The following CCDC138 variants were observed in gnomAD, a reference collection of about 807,000 sequenced individuals.
CCDC138 encodes coiled-coil domain containing 138.
Under a neutral mutation model 82.3 loss-of-function variants are expected in CCDC138, and 66 were observed. That is an observed-to-expected ratio of 0.80 (90% CI 0.66 to 0.98). The LOEUF (loss-of-function observed/expected upper bound fraction) is 0.98, where lower values mean the gene tolerates loss of function less well. CCDC138 is among the 50% of genes least tolerant of loss of function. The pLI is 0.00. For missense variants in CCDC138, 816 were observed against 758.9 expected (o/e 1.08, Z -0.88); for synonymous variants, 297 against 265.4 (o/e 1.12, Z -1.16).
chr2:108,788,223 A>C, intron 2 of CCDC138, 134 bp downstream of exon 2: 1 of 781,790 alleles, frequency 1.3e-6, no homozygotes, highest in African/African-American at 1.8e-5. Flanking sequence ...GTTCGAGACC[A>C]CTCAGGCCAA....
At chr2:108,806,651 A>T (rs560652603) in intron 7 of CCDC138, among the ~76,000 whole-genome samples, 10 of 152,336 alleles carry the variant, frequency 6.6e-5, no homozygotes, top group African/African-American at 2.2e-4. Context: ...CTGTGTTCCA[A>T]AACGACTGTA....
At position 108,804,882 on chromosome 2, in the gene CCDC138, C is replaced by G. The variant is rs780139507; in HGVS notation, c.736-7C>G. On this transcript the variant is annotated splice_polypyrimidine_tract_variant and splice_region_variant and intron_variant, in intron 6 of 14. Transcript: ENST00000295124. ...TTTAGATGAGAGTTTTTTTTTTCTC[C>G]TCCTAGCAGCATGATGCAGAAGTTG... The G allele has an allele frequency of 6.0e-6, 9 of 1,495,168 alleles. No homozygotes were observed. In the East Asian group the frequency reaches 2.0e-4, roughly 33 times the overall value. 92.6% of individuals were successfully genotyped at this position (1,495,168 alleles called of 1,614,324 possible).
At chr2:108,823,774 G>A (rs1574079505) in intron 10 of CCDC138, among the ~76,000 whole-genome samples, 2 of 152,192 alleles carry the variant, frequency 1.3e-5, no homozygotes, top group South Asian at 4.1e-4. Flanking sequence ...GAGGTCAGGA[G>A]TTCGAGACCA....
chr2:108,822,358 A>G (rs1206553681), intron 10 of CCDC138, among the ~76,000 whole-genome samples: 4 of 152,212 alleles, frequency 2.6e-5, no homozygotes, highest in African/African-American at 9.6e-5. Context: ...CTACTAGGAA[A>G]CTTCAATACC....
intron 10 of CCDC138, among the ~76,000 whole-genome samples, chr2:108,823,251 A>G (rs1238323447): frequency 1.3e-5 from 2 of 152,218 alleles, no homozygotes; most frequent in Admixed American, 6.5e-5. Context: ...TATTCTTCGA[A>G]AAAATTGAAA....
At position 108,839,167 on chromosome 2, in the gene CCDC138, C is replaced by T; in HGVS notation, c.1207-18C>T. ...AATACTGTGCCTTTGTATTTATTTT[C>T]CATCATTTTATCTTTAGCTTTTGCC... On this transcript the variant is annotated intron_variant, in intron 10 of 14. Coordinates refer to ENST00000295124, the MANE Select transcript of CCDC138 (RefSeq NM_144978.3). 1 of 1,583,714 alleles carries T rather than the reference C, an allele frequency of 6.3e-7. No homozygotes were observed. Among genetic ancestry groups the T allele is most frequent in the Non-Finnish European group, 8.6e-7 (1 of 1,166,712 alleles).
chr2:108,800,608 CTTTTTTTTTTTTTTTTT>C (rs67529329), intron 6 of CCDC138, among the ~76,000 whole-genome samples: 5 of 33,490 alleles, frequency 1.5e-4, no homozygotes, highest in Middle Eastern at 0.071. Context: ...CTCAGTTTAG[CTTTTTTTTTTTTTTTTT>C]TTTTTTTTTT....
intron 7 of CCDC138, among the ~76,000 whole-genome samples, chr2:108,811,641 G>T (rs1441556734): frequency 1.3e-5 from 2 of 152,148 alleles, no homozygotes; most frequent in South Asian, 2.1e-4. Flanking sequence ...GATTCAGAGG[G>T]TACATGTGCA....
At chr2:108,824,258 A>G (rs1024791276) in intron 10 of CCDC138, among the ~76,000 whole-genome samples, 2 of 152,170 alleles carry the variant, frequency 1.3e-5, no homozygotes, top group African/African-American at 4.8e-5. Flanking sequence ...TTGACTCTGT[A>G]ATATTAACAC....
At chr2:108,827,369 A>C (rs1686788217) in intron 10 of CCDC138, among the ~76,000 whole-genome samples, 1 of 152,192 alleles carries the variant, frequency 6.6e-6, no homozygotes, top group Non-Finnish European at 1.5e-5. Flanking sequence ...AAATAAATAA[A>C]AGAGAAAATG....
rs774332650 is a variant in CCDC138, at chr2:108,812,890, T to G, written c.1004T>G (p.Leu335Ter). 3 of 1,613,600 alleles carry G rather than the reference T, an allele frequency of 1.9e-6. No homozygotes were observed. Among genetic ancestry groups the G allele is most frequent in the Admixed American group, 3.3e-5 (2 of 59,960 alleles). Residue 335 changes from leucine to a stop codon, truncating the protein, a stop_gained, in exon 9 of 15, where the codon TTA (leucine) becomes TGA (stop). Transcript: ENST00000295124. LOFTEE classifies it high-confidence loss of function. Reference protein sequence around the residue: ...SSHAVHEMKSLKQEKAPVSKT... With the variant: ...SSHAVHEMKS ...CATGCTGTTCATGAAATGAAAAGTT[T>G]AAAACAAGAAAAAGCACCAGTTTCA...
chr2:108,874,764 A>G (rs1695775989), intron 14 of CCDC138, among the ~76,000 whole-genome samples: 1 of 152,112 alleles, frequency 6.6e-6, no homozygotes, highest in African/African-American at 2.4e-5. Context: ...CTAGCGCTGA[A>G]TTTATCAATT....
intron 9 of CCDC138, among the ~76,000 whole-genome samples, chr2:108,814,032 A>G (rs1163628512): frequency 6.6e-6 from 1 of 152,216 alleles, no homozygotes; most frequent in Non-Finnish European, 1.5e-5. Context: ...TGTCTGCAAT[A>G]AATAAAGCTG....
At chr2:108,794,233 G>A (rs117138472) in intron 4 of CCDC138, among the ~76,000 whole-genome samples, 1 of 151,988 alleles carries the variant, frequency 6.6e-6, no homozygotes, top group Non-Finnish European at 1.5e-5. Context: ...CATGATTAGG[G>A]GCTTTTAAGG....
intron 13 of CCDC138, among the ~76,000 whole-genome samples, chr2:108,859,337 A>G (rs552632501): frequency 1.3e-5 from 2 of 152,206 alleles, no homozygotes; most frequent in East Asian, 1.9e-4. Flanking sequence ...ATTTTCTCCC[A>G]TTCTATAGGT....
chr2:108,824,850 T>C (rs563589457), intron 10 of CCDC138, among the ~76,000 whole-genome samples: 17 of 152,290 alleles, frequency 1.1e-4, no homozygotes, highest in Admixed American at 1.1e-3. Flanking sequence ...CACTAAGTGA[T>C]AGGAATTTTT....
chr2:108,841,306 A>G (rs115711836), intron 11 of CCDC138, among the ~76,000 whole-genome samples: 2,704 of 152,270 alleles, frequency 0.018, 91 homozygotes, highest in African/African-American at 0.063. Context: ...GAGTTGTTCT[A>G]TATCCTTGCT....
Position 108,829,305 on chromosome 2 carries a change from AT to A in CCDC138, c.1207-9875del, listed in dbSNP as rs529469680. On this transcript the variant is annotated intron_variant, in intron 10 of 14. Coordinates refer to ENST00000295124, the MANE Select transcript of CCDC138 (RefSeq NM_144978.3). ...CAAAAAACAAAACCAAAAAGACCCT[AT>A]TTTTAAAAAAGCAAGCAAAGAACCT... Among the ~76,000 whole-genome samples, 20 of 152,318 alleles carry A rather than the reference AT, an allele frequency of 1.3e-4. No homozygotes were observed. The East Asian group carries it at 3.9e-3, about 29-fold the overall frequency.
At position 108,791,798 on chromosome 2, in the gene CCDC138, A is replaced by G. The variant is rs1679951139; in HGVS notation, c.390A>G (p.Glu130=). ...KITKQSFKEI[E]KVALPTNTTS... ...CCAAGCAGTCTTTTAAAGAAATAGA[A>G]AAAGGTAAAATAAATATTTTAGAAC... Residue 130 remains glutamate, a synonymous_variant, in exon 4 of 15, where the codon GAA becomes GAG. Coordinates refer to ENST00000295124, the MANE Select transcript of CCDC138 (RefSeq NM_144978.3). The G allele has an allele frequency of 6.3e-7, 1 of 1,580,864 alleles. No individual in the cohort carries two copies.
Sources: gnomAD v4.1 joint callset for allele counts (sites outside exome capture counted in the v4.1 genomes callset) on GRCh38, gnomAD v4.1.1 for gene constraint, MANE v1.5 for transcripts, NCBI Gene and HGNC (gene_info 2026-07-23, HGNC 2026-07-21) for gene names.